The following EXOC3 variants were observed in gnomAD, a reference collection of about 807,000 sequenced individuals.
EXOC3 encodes exocyst complex component 3.
EXOC3 carries 21 observed loss-of-function variants against 73.7 expected under a neutral mutation model. That is an observed-to-expected ratio of 0.29 (90% CI 0.20 to 0.41). The LOEUF (loss-of-function observed/expected upper bound fraction) is 0.41, where lower values mean the gene tolerates loss of function less well. Among genes scored for constraint, EXOC3 ranks in the 10% least tolerant of loss-of-function variants. The pLI is 1.00. For missense variants in EXOC3, 842 were observed against 985.1 expected (o/e 0.85, Z 1.95); for synonymous variants, 410 against 389.1 (o/e 1.05, Z -0.63).
At chr5:455,588 G>T (rs1330476544) in intron 4 of EXOC3, among the ~76,000 whole-genome samples, 1 of 141,718 alleles carries the variant, frequency 7.1e-6, no homozygotes, top group Non-Finnish European at 1.5e-5. Flanking sequence ...CGTATTTACG[G>T]AACATAGCAT....
chr5:443,640 A>C, intron 1 of EXOC3, among the ~76,000 whole-genome samples: 1 of 149,970 alleles, frequency 6.7e-6, no homozygotes, highest in Non-Finnish European at 1.5e-5. Flanking sequence ...CCCCCCTCGG[A>C]GCAGGTGTCC....
chr5:460,781 C>T (rs1737960311), intron 7 of EXOC3, among the ~76,000 whole-genome samples: 1 of 152,234 alleles, frequency 6.6e-6, no homozygotes, highest in South Asian at 2.1e-4. Context: ...CTTTGGAGGT[C>T]ATTGTCATTT....
chr5:452,878 A>G (rs1560936550), intron 3 of EXOC3, among the ~76,000 whole-genome samples: 1 of 152,246 alleles, frequency 6.6e-6, no homozygotes, highest in Non-Finnish European at 1.5e-5. Context: ...GGGGGTGGTG[A>G]AGACATTGGC....
chr5:448,062 G>C (rs548970022), intron 3 of EXOC3, among the ~76,000 whole-genome samples: 1 of 152,318 alleles, frequency 6.6e-6, no homozygotes, highest in African/African-American at 2.4e-5. Context: ...GTTAGACTCT[G>C]TGAGTGCAGA....
chr5:464,577 C>T, intron 10 of EXOC3, 165 bp downstream of exon 10: 1 of 672,160 alleles, frequency 1.5e-6, no homozygotes. Flanking sequence ...CTCCCTGGGA[C>T]GGGGCTCTGG....
Position 461,963 on chromosome 5 carries a change from T to C in EXOC3, c.1395T>C (p.Tyr465=), listed in dbSNP as rs1737998838. Residue 465 remains tyrosine, a synonymous_variant, in exon 8 of 13, where the codon TAT becomes TAC. Coordinates refer to ENST00000512944, the MANE Select transcript of EXOC3 (RefSeq NM_007277.5). ...LQQMNSFLSR[Y]KDEAQLYKEE... is the part of the protein sequence containing the mutation. The stretch of plus-strand genomic sequence containing the variant: ...ACCGAAGCCTGTCTGTCCTCAGATA[T>C]AAAGATGAAGCGCAGCTGTATAAAG... 4 of 1,585,246 alleles carry C rather than the reference T, an allele frequency of 2.5e-6. No individual in the cohort carries two copies. The highest frequency in any genetic ancestry group is 3.4e-6 in the Non-Finnish European group (4 of 1,165,504).
intron 1 of EXOC3, 87 bp from the exon 2 acceptor site, chr5:446,063 G>T: frequency 2.3e-6 from 2 of 864,656 alleles, no homozygotes; most frequent in South Asian, 3.1e-5. Flanking sequence ...GATCTCAGAG[G>T]CTCTGCTTGT....
chr5:464,654 C>T (rs1417290135), intron 10 of EXOC3: 19 of 472,230 alleles, frequency 4.0e-5, no homozygotes, highest in African/African-American at 3.3e-4. Context: ...CGGAGAGGCC[C>T]GCGTGCCCCG....
intron 3 of EXOC3, among the ~76,000 whole-genome samples, chr5:448,675 C>T (rs1186813237): frequency 2.0e-5 from 3 of 152,198 alleles, no homozygotes; most frequent in African/African-American, 4.8e-5. Context: ...CCTGAGGCCA[C>T]GTGTGAATTG....
chr5:461,787 CCT>C, intron 7 of EXOC3, 171 bp from the exon 8 acceptor site: 1 of 597,904 alleles, frequency 1.7e-6, no homozygotes, highest in South Asian at 2.1e-5. Context: ...AAGTAATCAA[CCT>C]CTCTGTCCTT....
At position 443,271 on chromosome 5, in the gene EXOC3, C is replaced by A. The variant is rs542004313; in HGVS notation, c.-76C>A. On this transcript the variant is annotated 5_prime_UTR_variant, in exon 1 of 13. Coordinates refer to ENST00000512944, the MANE Select transcript of EXOC3 (RefSeq NM_007277.5). Reference sequence around the variant, plus strand: ...GCGGCGGCGGCGGCGGCGGCGGCGGCGGCGGCGTAGCCGTAGAGGGTGAGT... The same window carrying A: ...GCGGCGGCGGCGGCGGCGGCGGCGGAGGCGGCGTAGCCGTAGAGGGTGAGT... 1.1e-5 allele frequency: 1 copy of A among 88,384 alleles called. No homozygotes were observed. 5.5% of individuals were successfully genotyped at this position (88,384 alleles called of 1,614,324 possible).
rs763126936 is a variant in EXOC3 at position 456,996 on chromosome 5, C to T, written c.1154C>T (p.Ser385Phe). 1.9e-6 allele frequency: 3 copies of T among 1,612,206 alleles called. No individual in the cohort carries two copies. The Admixed American group carries it at 5.0e-5, about 27-fold the overall frequency. Residue 385 changes from serine to phenylalanine, a missense_variant, in exon 5 of 13, where the codon TCC (serine) becomes TTC (phenylalanine). Ser to Phe is a radical substitution (Grantham distance 155). Coordinates refer to ENST00000512944, the MANE Select transcript of EXOC3 (RefSeq NM_007277.5). ...TCTGAGCTGCTTGACACGTACATGT[C>T]CACGCTCACTGTGAGTAGGGCTGGC... is the stretch of plus-strand genomic sequence containing the variant. ...VVSELLDTYM[S>F]TLTSNIIAWL...
intron 9 of EXOC3, chr5:462,604 C>A: frequency 2.6e-6 from 1 of 381,990 alleles, no homozygotes; most frequent in Non-Finnish European, 4.8e-6. Flanking sequence ...GTCAAAAAGT[C>A]AAATTGAGAG....
chr5:452,883 AT>A (rs1271799795), intron 3 of EXOC3, among the ~76,000 whole-genome samples: 3 of 152,258 alleles, frequency 2.0e-5, no homozygotes, highest in African/African-American at 4.8e-5. Context: ...TGGTGAAGAC[AT>A]TGGCCCTTTA....
intron 10 of EXOC3, 100 bp downstream of exon 10, chr5:464,512 C>A (rs1560940979): frequency 7.5e-7 from 1 of 1,328,598 alleles, no homozygotes. Context: ...CGTGAGTGAA[C>A]GTTCACTTGT....
chr5:459,300 G>T, intron 6 of EXOC3, 59 bp from the exon 7 acceptor site: 1 of 818,268 alleles, frequency 1.2e-6, no homozygotes, highest in Non-Finnish European at 1.9e-6. Flanking sequence ...CAGCAAACCT[G>T]CACTCTTAGT....
intron 7 of EXOC3, among the ~76,000 whole-genome samples, chr5:459,772 G>T (rs751321048): frequency 7.9e-5 from 12 of 152,348 alleles, no homozygotes; most frequent in Non-Finnish European, 1.6e-4. Context: ...TCCTTGGGGT[G>T]GGGGTGGCGA....
chr5:459,639 C>G (rs954089400), intron 7 of EXOC3, 180 bp downstream of exon 7: 4 of 493,116 alleles, frequency 8.1e-6, no homozygotes, highest in Non-Finnish European at 1.4e-5. Flanking sequence ...GATCATCTTC[C>G]CCTTGAGTGG....
chr5:465,614 G>A, intron 11 of EXOC3, 104 bp from the exon 12 acceptor site: 2 of 1,423,578 alleles, frequency 1.4e-6, no homozygotes, highest in Admixed American at 1.9e-5. Flanking sequence ...GGAGTCAGGT[G>A]AAGAGGGAGG....
Sources: gnomAD v4.1 joint callset for allele counts (sites outside exome capture counted in the v4.1 genomes callset) on GRCh38, gnomAD v4.1.1 for gene constraint, MANE v1.5 for transcripts, NCBI Gene and HGNC (gene_info 2026-07-23, HGNC 2026-07-21) for gene names.